C2orf66: variants seen among roughly 807,000 people sequenced by gnomAD.
C2orf66 encodes chromosome 2 open reading frame 66, also known as uncharacterized protein C2orf66.
Under a neutral mutation model 7.0 loss-of-function variants are expected in C2orf66, and 6 were observed. The ratio of observed to expected loss-of-function variants is 0.86; its 90% CI spans 0.47 to 1.69. The LOEUF (loss-of-function observed/expected upper bound fraction) is 1.69. C2orf66 is among the 40% of genes most tolerant of loss of function. The pLI is 0.01. For missense variants in C2orf66, 107 were observed against 112.0 expected, an observed-to-expected ratio of 0.96 and a Z score of 0.20; for synonymous variants, 38 against 43.8, an observed-to-expected ratio of 0.87 and a Z score of 0.52.
upstream of C2orf66, among the ~76,000 whole-genome samples, chr2:196,811,141 T>TGAAA (rs1699871000): frequency 6.6e-6 from 1 of 152,090 alleles, no homozygotes; most frequent in South Asian, 2.1e-4. Context: ...ATGGGGCACT[T>TGAAA]TAAAGGTACT....
upstream of C2orf66, chr2:196,809,397 T>C (rs749375945): frequency 3.9e-5 from 62 of 1,601,464 alleles, no homozygotes; most frequent in East Asian, 5.8e-4. Context: ...TTGAGAGAGA[T>C]AGTCAGGGAA....
At chr2:196,809,472 T>C (rs1699852786), upstream of C2orf66, 2 of 1,288,246 alleles carry the variant, frequency 1.6e-6, no homozygotes, top group East Asian at 4.7e-5. Flanking sequence ...TACTGGTTTA[T>C]CTAAGTTTTA....
Position 196,807,585 on chromosome 2 carries a change from C to G in C2orf66, c.161G>C (p.Gly54Ala). 1 of 1,613,374 alleles carries G rather than the reference C, an allele frequency of 6.2e-7. No individual in the cohort carries two copies. Among genetic ancestry groups the G allele is most frequent in the Non-Finnish European group, 8.5e-7 (1 of 1,179,800 alleles). ...ATTTGGAAATGTTCCAAGATCAAGA[C>G]CTCTGCCCTTAAAATATGCCTGAAG... ...RRLQAYFKGR[G>A]LDLGTFPNPF... The change falls in exon 2 of 3, where the codon GGT becomes GCT. Residue 54 changes from glycine to alanine, a missense_variant. Transcript: ENST00000342506.
Position 196,804,521 on chromosome 2 carries a change from T to C in C2orf66, c.*907A>G, listed in dbSNP as rs1451555177. On this transcript the variant is annotated 3_prime_UTR_variant, in exon 3 of 3. Transcript: ENST00000342506. ...TGCACAGACTAATGTTAGGACAATG[T>C]TGCATTTTAGTGCAACATTCCTTTT... Among the ~76,000 whole-genome samples the C allele has an allele frequency of 2.0e-5, 3 of 152,204 alleles. No homozygotes were observed. Among genetic ancestry groups the C allele is most frequent in the Non-Finnish European group, 4.4e-5 (3 of 68,038 alleles).
At chr2:196,812,350 A>G (rs374099391), upstream of C2orf66, among the ~76,000 whole-genome samples, 3 of 152,246 alleles carry the variant, frequency 2.0e-5, no homozygotes, top group East Asian at 5.8e-4. Flanking sequence ...TTGTCTCAAT[A>G]GATGCAGAAA....
chr2:196,807,521 GA>G lies in C2orf66; in HGVS notation c.224del (p.Phe75SerfsTer31). On this transcript the variant is annotated frameshift_variant, in exon 2 of 3. Transcript: ENST00000342506. LOFTEE classifies it high-confidence loss of function. ...ATGCAGAAGCAGTAAGTTCTGACTG[GA>G]AAGAGAGAGGTCTAGGATTTTCATT... ...PTNENPRPLS[F>X]QSELTASASA... 6.2e-7 allele frequency: 1 copy of G among 1,613,624 alleles called. No individual in the cohort carries two copies. The highest frequency in any genetic ancestry group is 1.7e-5 in the Admixed American group (1 of 60,012).
the C2orf66 span, among the ~76,000 whole-genome samples, chr2:196,830,101 A>C: frequency 6.6e-6 from 1 of 152,194 alleles, no homozygotes; most frequent in Non-Finnish European, 1.5e-5. Context: ...AACCTGTACT[A>C]AAACTCTCAA....
At chr2:196,822,766 A>G in the C2orf66 span, among the ~76,000 whole-genome samples, 1 of 152,158 alleles carries the variant, frequency 6.6e-6, no homozygotes, top group Non-Finnish European at 1.5e-5. Context: ...TCTTATCTTT[A>G]TATTCCAGTA....
At chr2:196,814,658 C>T in the C2orf66 span, among the ~76,000 whole-genome samples, 1 of 152,134 alleles carries the variant, frequency 6.6e-6, no homozygotes, top group South Asian at 2.1e-4. Flanking sequence ...CCCACCCTCA[C>T]ATTCCCAGTG....
the C2orf66 span, among the ~76,000 whole-genome samples, chr2:196,826,139 G>C: frequency 6.6e-6 from 1 of 151,998 alleles, no homozygotes; most frequent in Non-Finnish European, 1.5e-5. Flanking sequence ...AGCTTCATTA[G>C]GAATTGAAAA....
chr2:196,810,318 T>G (rs1351697786), upstream of C2orf66: 1 of 152,246 alleles, frequency 6.6e-6, no homozygotes, highest in East Asian at 1.9e-4. Context: ...TTTGGAGATA[T>G]GACTTTTTCA....
the C2orf66 span, among the ~76,000 whole-genome samples, chr2:196,819,920 C>G: frequency 1.3e-5 from 2 of 152,050 alleles, no homozygotes; most frequent in African/African-American, 4.8e-5. Context: ...AGTCAATAGA[C>G]CAGTAAAGTG....
At chr2:196,826,051 G>C in the C2orf66 span, among the ~76,000 whole-genome samples, 2 of 152,196 alleles carry the variant, frequency 1.3e-5, no homozygotes, top group Non-Finnish European at 2.9e-5. Flanking sequence ...AGAAACCATA[G>C]GTTGAATATA....
At chr2:196,825,214 C>T in the C2orf66 span, among the ~76,000 whole-genome samples, 10 of 130,566 alleles carry the variant, frequency 7.7e-5, no homozygotes, top group Admixed American at 6.7e-4. Context: ...CAGAGTGAGA[C>T]TCTGTCTCAA....
chr2:196,829,052 T>A, the C2orf66 span, among the ~76,000 whole-genome samples: 1 of 152,194 alleles, frequency 6.6e-6, no homozygotes, highest in African/African-American at 2.4e-5. Flanking sequence ...TTAACATACA[T>A]ATGTTAACAT....
the C2orf66 span, among the ~76,000 whole-genome samples, chr2:196,820,323 T>C: frequency 5.0e-3 from 763 of 152,290 alleles, 4 homozygotes; most frequent in African/African-American, 0.017. Context: ...CTGAAGCTAT[T>C]TAAGAGCCTA....
chr2:196,829,103 A>C, the C2orf66 span, among the ~76,000 whole-genome samples: 22 of 152,134 alleles, frequency 1.4e-4, no homozygotes, highest in African/African-American at 4.3e-4. Context: ...ATTTTTTTTC[A>C]CACAATCTTT....
At chr2:196,828,808 C>G in the C2orf66 span, among the ~76,000 whole-genome samples, 1 of 152,074 alleles carries the variant, frequency 6.6e-6, no homozygotes, top group Non-Finnish European at 1.5e-5. Context: ...CAAGAGTCCC[C>G]GGTTGACAGC....
the C2orf66 span, among the ~76,000 whole-genome samples, chr2:196,820,968 T>A: frequency 3.3e-5 from 5 of 152,242 alleles, no homozygotes; most frequent in East Asian, 9.6e-4. Flanking sequence ...GCTCTTGAGA[T>A]GAGACTATCC....
Sources: allele counts gnomAD v4.1 joint callset (sites outside exome capture counted in the v4.1 genomes callset), GRCh38; gene constraint gnomAD v4.1.1; transcripts MANE v1.5; gene names NCBI Gene and HGNC (gene_info 2026-07-23, HGNC 2026-07-21).